Variants in ARHGAP42 observed in about 807,000 individuals in gnomAD.
ARHGAP42 encodes the protein rho GTPase-activating protein 42.
Under a neutral mutation model 125.0 loss-of-function variants are expected in ARHGAP42, and 63 were observed. The ratio of observed to expected loss-of-function variants is 0.50; its 90% CI spans 0.41 to 0.62. The LOEUF is 0.62. Among genes scored for constraint, ARHGAP42 ranks in the 20% least tolerant of loss-of-function variants. ARHGAP42 has a pLI of 0.00. For synonymous variants in ARHGAP42, 339 were observed against 351.0 expected, an observed-to-expected ratio of 0.97 and a Z score of 0.38; for missense variants, 766 against 1,024.2, an observed-to-expected ratio of 0.75 and a Z score of 3.44.
intron 1 of ARHGAP42, among the ~76,000 whole-genome samples, chr11:100,745,769 A>G (rs1199664822): frequency 1.3e-5 from 2 of 152,164 alleles, no homozygotes; most frequent in Non-Finnish European, 2.9e-5. Flanking sequence ...AGTGGCCCCT[A>G]ATTGCTCAGC....
chr11:100,866,758 G>T (rs553698817), intron 4 of ARHGAP42, among the ~76,000 whole-genome samples: 1 of 152,262 alleles, frequency 6.6e-6, no homozygotes, highest in Admixed American at 6.5e-5. Context: ...TCACCTTCCA[G>T]CAGGCCCCTC....
chr11:100,854,097 T>G (rs1454706168), intron 3 of ARHGAP42, among the ~76,000 whole-genome samples: 1 of 152,130 alleles, frequency 6.6e-6, no homozygotes, highest in Admixed American at 6.6e-5. Context: ...AAAACTTAGT[T>G]TGAGTAACTC....
chr11:100,702,713 C>T (rs1440330366), intron 1 of ARHGAP42, among the ~76,000 whole-genome samples: 1 of 150,116 alleles, frequency 6.7e-6, no homozygotes, highest in Admixed American at 6.6e-5. Flanking sequence ...CTCTTGTTGC[C>T]CAGGCTGAAG....
chr11:100,704,156 G>T (rs1861441868), intron 1 of ARHGAP42, among the ~76,000 whole-genome samples: 1 of 152,214 alleles, frequency 6.6e-6, no homozygotes, highest in African/African-American at 2.4e-5. Flanking sequence ...GTTGATCCAG[G>T]AAAGGTGGTA....
intron 4 of ARHGAP42, among the ~76,000 whole-genome samples, chr11:100,888,158 T>A (rs1866137712): frequency 6.6e-6 from 1 of 152,104 alleles, no homozygotes; most frequent in Non-Finnish European, 1.5e-5. Context: ...GAAGGTACAG[T>A]TGATTGTGGA....
At chr11:100,921,734 G>A (rs989308348) in intron 6 of ARHGAP42, 130 bp downstream of exon 6, 5 of 604,046 alleles carry the variant, frequency 8.3e-6, no homozygotes, top group Admixed American at 3.5e-5. Flanking sequence ...GAGTGGGAAG[G>A]GATGAAAAAG....
intron 1 of ARHGAP42, among the ~76,000 whole-genome samples, chr11:100,763,340 T>C (rs1256774299): frequency 1.3e-5 from 2 of 152,164 alleles, no homozygotes; most frequent in African/African-American, 4.8e-5. Flanking sequence ...TTTCTTTCTT[T>C]CACTCTTTTT....
chr11:100,755,995 G>A (rs893481586), intron 1 of ARHGAP42, among the ~76,000 whole-genome samples: 1 of 151,910 alleles, frequency 6.6e-6, no homozygotes, highest in African/African-American at 2.4e-5. Context: ...TATGACTGAT[G>A]GAAATATAAA....
At chr11:100,702,748 T>C (rs1308516909) in intron 1 of ARHGAP42, among the ~76,000 whole-genome samples, 1 of 151,496 alleles carries the variant, frequency 6.6e-6, no homozygotes, top group Non-Finnish European at 1.5e-5. Context: ...CTCGGCTCAC[T>C]GCAAGCTCTG....
intron 3 of ARHGAP42, among the ~76,000 whole-genome samples, chr11:100,845,135 T>TAC (rs1286884762): frequency 6.6e-6 from 1 of 152,020 alleles, no homozygotes; most frequent in African/African-American, 2.4e-5. Context: ...TATATATGTA[T>TAC]ACACACACAT....
chr11:100,968,585 G>A (rs1055323758), intron 17 of ARHGAP42, among the ~76,000 whole-genome samples: 1 of 152,000 alleles, frequency 6.6e-6, no homozygotes, highest in African/African-American at 2.4e-5. Flanking sequence ...AATTATTTAT[G>A]TAATTTAATG....
At chr11:100,810,136 C>CA (rs1469348175) in intron 3 of ARHGAP42, among the ~76,000 whole-genome samples, 7 of 150,834 alleles carry the variant, frequency 4.6e-5, no homozygotes, top group Non-Finnish European at 7.4e-5. Context: ...TAAAAAGTGG[C>CA]AAAAAAATAA....
chr11:100,809,930 G>T (rs1345330907), intron 3 of ARHGAP42, among the ~76,000 whole-genome samples: 1 of 145,196 alleles, frequency 6.9e-6, no homozygotes, highest in East Asian at 1.9e-4. Flanking sequence ...GACAGAGCAA[G>T]ACTCTGTCTC....
chr11:100,934,431 A>G (rs2135262319), intron 7 of ARHGAP42, among the ~76,000 whole-genome samples: 1 of 152,322 alleles, frequency 6.6e-6, no homozygotes, highest in East Asian at 1.9e-4. Flanking sequence ...TTTAAAAGTG[A>G]GAATTATTTC....
intron 3 of ARHGAP42, among the ~76,000 whole-genome samples, chr11:100,813,196 T>C (rs937789844): frequency 2.0e-5 from 3 of 151,864 alleles, no homozygotes; most frequent in African/African-American, 4.8e-5. Flanking sequence ...GTTGATATTT[T>C]GGAACAGATA....
intron 3 of ARHGAP42, among the ~76,000 whole-genome samples, chr11:100,813,139 G>T (rs1864185526): frequency 6.6e-6 from 1 of 151,976 alleles, no homozygotes; most frequent in South Asian, 2.1e-4. Context: ...AAGAGAAAGG[G>T]AGGCGGCAAT....
intron 1 of ARHGAP42, among the ~76,000 whole-genome samples, chr11:100,756,838 G>C (rs1253888010): frequency 6.6e-6 from 1 of 152,332 alleles, no homozygotes; most frequent in East Asian, 1.9e-4. Context: ...GATCATTGAA[G>C]TGCATACATG....
At chr11:100,789,865 G>A (rs1332967505) in intron 2 of ARHGAP42, among the ~76,000 whole-genome samples, 5 of 152,200 alleles carry the variant, frequency 3.3e-5, no homozygotes, top group East Asian at 1.9e-4. Flanking sequence ...TGTGTTTTAC[G>A]TTATTTAAGT....
At chr11:100,791,205 G>C (rs568184833) in intron 2 of ARHGAP42, among the ~76,000 whole-genome samples, 19 of 152,292 alleles carry the variant, frequency 1.2e-4, no homozygotes, top group African/African-American at 4.3e-4. Flanking sequence ...GGGAGCTGCT[G>C]GGGCACACTA....
Sources: allele counts gnomAD v4.1 joint callset (sites outside exome capture counted in the v4.1 genomes callset), GRCh38; gene constraint gnomAD v4.1.1; transcripts MANE v1.5; gene names NCBI Gene and HGNC (gene_info 2026-07-23, HGNC 2026-07-21).